Variants in NAALADL2 observed in about 807,000 individuals in gnomAD.
NAALADL2 encodes N-acetylated alpha-linked acidic dipeptidase like 2.
Under a neutral mutation model 87.2 loss-of-function variants are expected in NAALADL2, and 76 were observed. That is an observed-to-expected ratio of 0.87 (90% CI 0.72 to 1.05). NAALADL2 has a LOEUF of 1.05. Ranked by LOEUF, NAALADL2 falls within the 50% of genes least tolerant of loss-of-function variation. The pLI is 0.00. For missense variants in NAALADL2, 1,089 were observed against 945.8 expected (o/e 1.15, Z -1.99); for synonymous variants, 354 against 331.0 (o/e 1.07, Z -0.75).
chr3:175,346,842 G>T lies in NAALADL2; in HGVS notation c.1090+22517G>T, dbSNP rs574315323. ...ATTTTGCTTCTTTGGCTCTATTCAA[G>T]AAACTAGATGCATGTTGTGAGTTGA... On this transcript the variant is annotated intron_variant, in intron 5 of 13. Transcript: ENST00000454872. Among the ~76,000 whole-genome samples the T allele has an allele frequency of 3.3e-5, 5 of 152,244 alleles. No homozygotes were observed. The East Asian group carries it at 7.7e-4, about 24-fold the overall frequency.
chr3:175,267,403 T>TA (rs1023736635), intron 4 of NAALADL2, among the ~76,000 whole-genome samples: 12 of 152,108 alleles, frequency 7.9e-5, no homozygotes, highest in African/African-American at 2.7e-4. Context: ...TTATTTTTTT[T>TA]ACCTCTGCAT....
intron 2 of NAALADL2, among the ~76,000 whole-genome samples, chr3:174,598,365 C>T (rs1406674982): frequency 1.3e-5 from 2 of 152,158 alleles, no homozygotes; most frequent in East Asian, 3.9e-4. Context: ...CTTTTATATT[C>T]ATTTTCTCCC....
chr3:175,160,360 C>CTTTTTTTTTTTTTTTTT lies in NAALADL2; in HGVS notation c.545+63081_545+63097dup, dbSNP rs71164618. 1.2e-4 allele frequency among the ~76,000 whole-genome samples: 7 copies of CTTTTTTTTTTTTTTTTT among 57,040 alleles called. 1 individual carries two copies. Among genetic ancestry groups the CTTTTTTTTTTTTTTTTT allele is most frequent in the Non-Finnish European group, 2.2e-4 (6 of 26,818 alleles). 37.4% of individuals were successfully genotyped at this position (57,040 alleles called of 152,430 possible). ...TATATTATATGTGTATCTTTTCTTT[C>CTTTTTTTTTTTTTTTTT]TTTTTTTTTTTTTTTTTTTTTTTTT... On this transcript the variant is annotated intron_variant, in intron 2 of 13. Transcript: ENST00000454872.
At chr3:175,328,138 A>G (rs900002556) in intron 5 of NAALADL2, among the ~76,000 whole-genome samples, 1 of 152,158 alleles carries the variant, frequency 6.6e-6, no homozygotes, top group Non-Finnish European at 1.5e-5. Context: ...GTGAAGGAGG[A>G]TGTTTTCAGT....
At chr3:174,997,305 G>A (rs900484828) in intron 1 of NAALADL2, among the ~76,000 whole-genome samples, 1 of 152,098 alleles carries the variant, frequency 6.6e-6, no homozygotes, top group East Asian at 1.9e-4. Flanking sequence ...GTGTAACAGT[G>A]TTCCCTTTCA....
chr3:175,133,054 G>C (rs7622511), intron 2 of NAALADL2, among the ~76,000 whole-genome samples: 1 of 141,770 alleles, frequency 7.1e-6, no homozygotes, highest in Non-Finnish European at 1.6e-5. Context: ...ACGGGGCGGC[G>C]GGGCAGAGGC....
chr3:174,788,340 C>T (rs980912177), intron 3 of NAALADL2, among the ~76,000 whole-genome samples: 6 of 152,144 alleles, frequency 3.9e-5, no homozygotes, highest in African/African-American at 7.2e-5. Context: ...GACAAAAGGA[C>T]GCATATTAGT....
At chr3:175,257,333 G>A (rs897245632) in intron 4 of NAALADL2, 8 of 151,308 alleles carry the variant, frequency 5.3e-5, no homozygotes, top group African/African-American at 1.9e-4. Flanking sequence ...GAATCTCTTG[G>A]CACACTCTAT....
intron 13 of NAALADL2, among the ~76,000 whole-genome samples, chr3:175,783,109 C>T (rs1237081841): frequency 6.6e-6 from 1 of 151,520 alleles, no homozygotes; most frequent in Admixed American, 6.6e-5. Context: ...GTTACTGTAG[C>T]CTTGTAGTAT....
At chr3:174,600,366 C>G (rs948979997) in intron 2 of NAALADL2, among the ~76,000 whole-genome samples, 1 of 151,938 alleles carries the variant, frequency 6.6e-6, no homozygotes, top group African/African-American at 2.4e-5. Flanking sequence ...TGGTCAAATA[C>G]AGTTGGCCAA....
chr3:175,655,198 T>G (rs1478277642), intron 11 of NAALADL2, among the ~76,000 whole-genome samples: 2 of 152,190 alleles, frequency 1.3e-5, no homozygotes, highest in African/African-American at 4.8e-5. Context: ...TTATAAAATT[T>G]TACTTCTTAT....
chr3:174,738,098 G>T (rs532400759), intron 3 of NAALADL2, among the ~76,000 whole-genome samples: 14 of 152,204 alleles, frequency 9.2e-5, no homozygotes, highest in Non-Finnish European at 1.9e-4. Flanking sequence ...TCAGCCTAGT[G>T]ATTTTTATTG....
chr3:175,108,620 T>C (rs552718670), intron 2 of NAALADL2, among the ~76,000 whole-genome samples: 2 of 152,122 alleles, frequency 1.3e-5, no homozygotes, highest in East Asian at 3.9e-4. Context: ...AAGATCAGCT[T>C]GTACCAATAT....
chr3:174,538,945 G>A (rs1304868281), intron 1 of NAALADL2, among the ~76,000 whole-genome samples: 1 of 152,008 alleles, frequency 6.6e-6, no homozygotes, highest in African/African-American at 2.4e-5. Flanking sequence ...GCCTGACTAC[G>A]TTGGGCTCAT....
chr3:174,647,601 A>G (rs951521243), intron 2 of NAALADL2, among the ~76,000 whole-genome samples: 6 of 152,238 alleles, frequency 3.9e-5, no homozygotes, highest in Non-Finnish European at 8.8e-5. Context: ...AGCAAGACAT[A>G]TCTGAGAGCC....
chr3:175,115,404 G>A (rs186838221), intron 2 of NAALADL2, among the ~76,000 whole-genome samples: 2 of 138,004 alleles, frequency 1.4e-5, no homozygotes, highest in East Asian at 4.3e-4. Flanking sequence ...ATGACAATTA[G>A]CATATATATA....
chr3:174,810,642 G>C (rs957640721), intron 3 of NAALADL2, among the ~76,000 whole-genome samples: 2 of 150,926 alleles, frequency 1.3e-5, no homozygotes, highest in African/African-American at 4.9e-5. Context: ...ATATTTAAAA[G>C]GGAAGCAGAG....
chr3:174,696,593 T>TAA lies in NAALADL2; in HGVS notation c.-114-41025_-114-41024dup, dbSNP rs62946360. Among the ~76,000 whole-genome samples, 571 of 110,350 alleles carry TAA rather than the reference T, an allele frequency of 5.2e-3. 17 individuals carry two copies. The highest frequency in any genetic ancestry group is 0.018 in the African/African-American group (477 of 26,188). The allele number at this position is 110,350 out of a possible 152,430, so 72.4% of individuals were successfully genotyped here. A position where few individuals can be genotyped will look rare whatever the true frequency, so the allele number is the denominator to read the frequency against. ...TAGGGGTCAGGCAGGTGTAGTTATCTAAAAAAAAAAAAAAAAAAAAAAAAG... is the reference window on the plus strand; with the variant it reads ...TAGGGGTCAGGCAGGTGTAGTTATCTAAAAAAAAAAAAAAAAAAAAAAAAAAG... On this transcript the variant is annotated intron_variant, in intron 2 of 3. Coordinates refer to the NAALADL2 transcript ENST00000434257.
chr3:175,082,405 T>C (rs1718048230), intron 1 of NAALADL2, among the ~76,000 whole-genome samples: 1 of 152,230 alleles, frequency 6.6e-6, no homozygotes, highest in Non-Finnish European at 1.5e-5. Context: ...TTGACTATCA[T>C]AAAATGGGAT....
Sources: gnomAD v4.1 joint callset for allele counts (sites outside exome capture counted in the v4.1 genomes callset) on GRCh38, gnomAD v4.1.1 for gene constraint, MANE v1.5 for transcripts, NCBI Gene and HGNC (gene_info 2026-07-23, HGNC 2026-07-21) for gene names.